The following SHPRH variants were observed in gnomAD, a reference collection of about 807,000 sequenced individuals.
The protein encoded by SHPRH is SNF2 histone linker PHD RING helicase, also known as E3 ubiquitin-protein ligase SHPRH.
SHPRH carries 106 observed loss-of-function variants against 202.5 expected under a neutral mutation model. The observed-to-expected ratio is 0.52, with a 90% CI of 0.45 to 0.62. The LOEUF is 0.62. Among genes scored for constraint, SHPRH ranks in the 20% least tolerant of loss-of-function variants. SHPRH has a pLI of 0.00. For missense variants in SHPRH, 1,710 were observed against 2,020.0 expected (o/e 0.85, Z 2.94); for synonymous variants, 729 against 686.0 (o/e 1.06, Z -0.98).
intron 6 of SHPRH, 31 bp from the exon 7 acceptor site, chr6:145,946,372 G>A: frequency 6.5e-7 from 1 of 1,527,712 alleles, no homozygotes; most frequent in Non-Finnish European, 8.9e-7. Flanking sequence ...TAGTTACACA[G>A]TGTTTTGCTT....
intron 16 of SHPRH, 108 bp downstream of exon 16, chr6:145,926,096 C>T: frequency 9.9e-7 from 1 of 1,014,754 alleles, no homozygotes; most frequent in Non-Finnish European, 1.4e-6. Context: ...AACAGGAAAA[C>T]ATGATTACAT....
intron 14 of SHPRH, among the ~76,000 whole-genome samples, chr6:145,928,070 T>C (rs1379758509): frequency 6.6e-6 from 1 of 151,998 alleles, no homozygotes; most frequent in African/African-American, 2.4e-5. Flanking sequence ...TTTCGTGACA[T>C]GTGAAAATTA....
At chr6:145,911,495 A>G (rs1783489624) in intron 24 of SHPRH, among the ~76,000 whole-genome samples, 1 of 152,144 alleles carries the variant, frequency 6.6e-6, no homozygotes, top group Non-Finnish European at 1.5e-5. Context: ...TCTCTGCAAC[A>G]TACCATGGAG....
chr6:145,927,414 C>G, intron 14 of SHPRH, 137 bp from the exon 15 acceptor site: 1 of 765,336 alleles, frequency 1.3e-6, no homozygotes, highest in Non-Finnish European at 2.0e-6. Context: ...AGAAATTTGA[C>G]TTGGTATTAA....
chr6:145,951,013 A>G (rs138195008), intron 3 of SHPRH, among the ~76,000 whole-genome samples: 143 of 152,260 alleles, frequency 9.4e-4, no homozygotes, highest in African/African-American at 3.2e-3. Flanking sequence ...TCTATGCCCA[A>G]TAAGAAATGG....
At chr6:145,915,910 T>C (rs966196950) in intron 23 of SHPRH, among the ~76,000 whole-genome samples, 4 of 152,090 alleles carry the variant, frequency 2.6e-5, no homozygotes, top group South Asian at 2.1e-4. Context: ...TCAGCTATTA[T>C]CTCTTCAAGC....
downstream of SHPRH, among the ~76,000 whole-genome samples, chr6:145,859,282 AGTT>A (rs373877345): frequency 1.7e-3 from 261 of 152,154 alleles, no homozygotes; most frequent in African/African-American, 5.1e-3. Flanking sequence ...CTGGAAGTTT[AGTT>A]GTTACATGTC....
At chr6:145,932,955 G>T in intron 14 of SHPRH, 102 bp downstream of exon 14, 2 of 1,274,734 alleles carry the variant, frequency 1.6e-6, no homozygotes, top group East Asian at 2.6e-5. Context: ...TATCTTTTTG[G>T]GGGAAAAATC....
downstream of SHPRH, among the ~76,000 whole-genome samples, chr6:145,880,854 T>C (rs1780531797): frequency 1.3e-5 from 2 of 152,122 alleles, no homozygotes; most frequent in Non-Finnish European, 2.9e-5. Flanking sequence ...TTAATTGGCT[T>C]TGAAAGCAAT....
intron 2 of SHPRH, among the ~76,000 whole-genome samples, chr6:145,868,127 T>C (rs1170186217): frequency 6.6e-6 from 1 of 152,162 alleles, no homozygotes; most frequent in Non-Finnish European, 1.5e-5. Flanking sequence ...TGGTGCCTTC[T>C]TCCTGTGTTC....
chr6:145,949,356 G>C (rs1305616994), intron 4 of SHPRH, among the ~76,000 whole-genome samples: 3 of 151,998 alleles, frequency 2.0e-5, no homozygotes, highest in African/African-American at 7.2e-5. Context: ...GTGTGTGGAG[G>C]GGGGCAGGTG....
At position 145,946,240 on chromosome 6, in the gene SHPRH, T is replaced by C. The variant is rs201477770; in HGVS notation, c.1314A>G (p.Gln438=). The stretch of plus-strand genomic sequence containing the variant: ...AAGAGATGTCTTACTTACGAGGGCA[T>C]TGAACTTTTTCTTTTGGTTCAAATT... The part of the protein sequence containing the change: ...NIEFEPKEKV[Q]CPPTRVMILT... The change falls in exon 7 of 30, where the codon CAA becomes CAG. Residue 438 remains glutamine, a synonymous_variant. Coordinates refer to ENST00000275233, the MANE Select transcript of SHPRH (RefSeq NM_001042683.3). The C allele has an allele frequency of 5.8e-5, 94 of 1,607,868 alleles. No homozygotes were observed. Among genetic ancestry groups the C allele is most frequent in the African/African-American group, 5.5e-4 (41 of 74,794 alleles).
chr6:145,928,436 T>C (rs1212196683), intron 14 of SHPRH, among the ~76,000 whole-genome samples: 1 of 151,934 alleles, frequency 6.6e-6, no homozygotes, highest in Non-Finnish European at 1.5e-5. Flanking sequence ...TGAGAAAGTT[T>C]TTTTCCTAAG....
At chr6:145,864,994 CCTTT>C (rs745434304) in intron 2 of SHPRH, among the ~76,000 whole-genome samples, 33 of 150,890 alleles carry the variant, frequency 2.2e-4, no homozygotes, top group African/African-American at 2.4e-4. Flanking sequence ...GACCGTGGTG[CCTTT>C]CTATTTATTT....
downstream of SHPRH, among the ~76,000 whole-genome samples, chr6:145,860,375 A>G (rs568778035): frequency 1.1e-4 from 16 of 152,166 alleles, no homozygotes; most frequent in East Asian, 2.5e-3. Context: ...CTATCCATAA[A>G]GAAAATTTAA....
chr6:145,946,238 C>G lies in SHPRH; in HGVS notation c.1316G>C (p.Cys439Ser). 1 of 1,606,712 alleles carries G rather than the reference C, an allele frequency of 6.2e-7. No individual in the cohort carries two copies. The highest frequency in any genetic ancestry group is 8.5e-7 in the Non-Finnish European group (1 of 1,176,364). ...TTAAGAGATGTCTTACTTACGAGGG[C>G]ATTGAACTTTTTCTTTTGGTTCAAA... ...IEFEPKEKVQ[C>S]PPTRVMILTA... is the part of the protein sequence containing the mutation. The change falls in exon 7 of 30, where the codon TGC becomes TCC. Residue 439 changes from cysteine (C) to serine (S), a missense_variant. Physicochemically the swap from Cys to Ser is moderately radical, Grantham distance 112. This residue lies in a region of SHPRH where 348 missense variants were observed against 356.9 expected (regional missense o/e 0.97). Transcript: ENST00000275233.
intron 27 of SHPRH, among the ~76,000 whole-genome samples, chr6:145,893,803 A>G (rs566033468): frequency 2.6e-4 from 39 of 152,226 alleles, no homozygotes; most frequent in African/African-American, 9.4e-4. Context: ...TGATGTAAGG[A>G]TAACTGTGAC....
At chr6:145,933,344 A>G in intron 13 of SHPRH, 166 bp from the exon 14 acceptor site, 1 of 957,054 alleles carries the variant, frequency 1.0e-6, no homozygotes, top group Non-Finnish European at 1.5e-6. Context: ...TTCCCACATA[A>G]GTACCTTTAT....
At position 145,935,390 on chromosome 6, in the gene SHPRH, T is replaced by C; in HGVS notation, c.2621A>G (p.His874Arg). 1 of 1,614,046 alleles carries C rather than the reference T, an allele frequency of 6.2e-7. No homozygotes were observed. The highest frequency in any genetic ancestry group is 2.2e-5 in the East Asian group (1 of 44,846). ...FLGIEPYCVK[H>R]WWVRLLYRPY... ...CCGATAGAGAAGTCGAACCCACCAG[T>C]GTTTGACACAGTAAGGTTCAATACC... The change falls in exon 12 of 30, where the codon CAC (histidine) becomes CGC (arginine). Residue 874 changes from histidine (H) to arginine (R), a missense_variant. By Grantham distance (29) the His-to-Arg change is conservative. Coordinates refer to ENST00000275233, the MANE Select transcript of SHPRH (RefSeq NM_001042683.3).
Sources: allele counts gnomAD v4.1 joint callset (sites outside exome capture counted in the v4.1 genomes callset), GRCh38; gene constraint gnomAD v4.1.1; regional missense constraint gnomAD v4.1.1; transcripts MANE v1.5; gene names NCBI Gene and HGNC (gene_info 2026-07-23, HGNC 2026-07-21).